Variants in SLC8A3 observed in about 807,000 individuals in gnomAD.
The protein encoded by SLC8A3 is solute carrier family 8 member A3, also known as sodium/calcium exchanger 3.
A neutral mutation model predicts 65.4 loss-of-function variants in SLC8A3; 37 were observed. That is an observed-to-expected ratio of 0.57 (90% CI 0.44 to 0.74). The LOEUF (loss-of-function observed/expected upper bound fraction) is 0.74. Among genes scored for constraint, SLC8A3 ranks in the 30% least tolerant of loss-of-function variants. The probability of loss-of-function intolerance (pLI) is 0.00; values close to 1 mark genes in which losing one functional copy is unlikely to be tolerated. For synonymous variants in SLC8A3, 461 were observed against 444.5 expected (o/e 1.04, Z -0.47); for missense variants, 1,112 against 1,172.1 (o/e 0.95, Z 0.75).
intron 2 of SLC8A3, among the ~76,000 whole-genome samples, chr14:70,165,858 A>T (rs950781218): frequency 2.0e-5 from 3 of 152,070 alleles, no homozygotes; most frequent in Non-Finnish European, 4.4e-5. Flanking sequence ...CAGAAGATAT[A>T]TTTCCTCCCA....
chr14:70,129,519 T>A (rs1011631438), intron 2 of SLC8A3, among the ~76,000 whole-genome samples: 1 of 152,236 alleles, frequency 6.6e-6, no homozygotes, highest in Non-Finnish European at 1.5e-5. Context: ...GCACTTTATA[T>A]TTCATGGCTC....
At chr14:70,117,636 G>A (rs911194886) in intron 2 of SLC8A3, among the ~76,000 whole-genome samples, 3 of 151,958 alleles carry the variant, frequency 2.0e-5, no homozygotes, top group Admixed American at 6.6e-5. Flanking sequence ...TGACATCTGG[G>A]GCATTGCTGT....
chr14:70,090,949 G>C (rs1891762025), intron 2 of SLC8A3, among the ~76,000 whole-genome samples: 1 of 152,178 alleles, frequency 6.6e-6, no homozygotes, highest in African/African-American at 2.4e-5. Flanking sequence ...GGGGTTCAAA[G>C]ATCTTTGAAA....
At chr14:70,093,876 C>T (rs1246029041) in intron 2 of SLC8A3, among the ~76,000 whole-genome samples, 2 of 152,240 alleles carry the variant, frequency 1.3e-5, no homozygotes, top group Non-Finnish European at 1.5e-5. Context: ...CCTCTGGTAC[C>T]TGCCCTAGCT....
intron 2 of SLC8A3, among the ~76,000 whole-genome samples, chr14:70,133,922 CCT>C (rs1264638971): frequency 6.6e-6 from 1 of 152,180 alleles, no homozygotes; most frequent in Non-Finnish European, 1.5e-5. Flanking sequence ...TTCATGTTCT[CCT>C]CTCACCCTAT....
intron 2 of SLC8A3, among the ~76,000 whole-genome samples, chr14:70,094,159 A>T (rs1866345073): frequency 6.6e-6 from 1 of 152,230 alleles, no homozygotes; most frequent in Non-Finnish European, 1.5e-5. Context: ...TCTGACAGCC[A>T]GTCCATGGCC....
chr14:70,046,390 A>T lies in SLC8A3; in HGVS notation c.2390-67T>A, dbSNP rs1355264496. 5.3e-6 allele frequency: 8 copies of T among 1,496,548 alleles called. No homozygotes were observed. Among genetic ancestry groups the T allele is most frequent in the Non-Finnish European group, 7.2e-6 (8 of 1,113,666 alleles). 92.7% of individuals were successfully genotyped at this position (1,496,548 alleles called of 1,614,324 possible). A position where few individuals can be genotyped will look rare whatever the true frequency, so the allele number is the denominator to read the frequency against. Reference sequence around the variant, plus strand: ...AGGTGTGCAGGGCTTGTCTTCCAGTATGCCCAAAAAGCAGCTTGAGCTGGT... The same window carrying T: ...AGGTGTGCAGGGCTTGTCTTCCAGTTTGCCCAAAAAGCAGCTTGAGCTGGT... On this transcript the variant is annotated intron_variant, in intron 6 of 6. Transcript: ENST00000356921. This position sits in a 1 kb window ranked among gnomAD's most constrained non-coding sequence, Gnocchi z 4.2.
intron 2 of SLC8A3, among the ~76,000 whole-genome samples, chr14:70,089,145 C>A (rs1384078068): frequency 6.6e-6 from 1 of 152,156 alleles, no homozygotes; most frequent in Non-Finnish European, 1.5e-5. Flanking sequence ...CTGAAAGAGG[C>A]CTTTTTCTAG....
At chr14:70,048,378 G>A in intron 6 of SLC8A3, 1 of 527,840 alleles carries the variant, frequency 1.9e-6, no homozygotes, top group East Asian at 3.1e-5. Context: ...ACTGTTTGTG[G>A]TCTACTCACA....
In SLC8A3 at chr14:70,058,126, G is replaced by A. The variant is rs145871048; in HGVS notation, c.1888+2710C>T. Among the ~76,000 whole-genome samples the A allele has an allele frequency of 2.2e-4, 33 of 152,162 alleles. No individual in the cohort carries two copies. The East Asian group carries it at 6.0e-3, about 28-fold the overall frequency. On this transcript the variant is annotated intron_variant, in intron 3 of 6. Transcript: ENST00000356921. ...GTCTGTTTTGTTTGCCAAAAATAGA[G>A]TCTCCTATTTCAAATCCAGTCTCTC...
intron 1 of SLC8A3, among the ~76,000 whole-genome samples, chr14:70,172,178 T>C (rs1897590781): frequency 6.6e-6 from 1 of 152,106 alleles, no homozygotes; most frequent in African/African-American, 2.4e-5. Context: ...CCCCAAATCA[T>C]AAAGACATTA....
intron 2 of SLC8A3, among the ~76,000 whole-genome samples, chr14:70,079,757 C>T (rs1466683132): frequency 1.3e-5 from 2 of 152,148 alleles, no homozygotes; most frequent in African/African-American, 4.8e-5. Context: ...ATATTTGGCC[C>T]AGTCTCTTCC....
intron 2 of SLC8A3, among the ~76,000 whole-genome samples, chr14:70,078,483 AT>A (rs1359726893): frequency 6.6e-6 from 1 of 152,128 alleles, no homozygotes; most frequent in Non-Finnish European, 1.5e-5. Flanking sequence ...CATCCCCCAT[AT>A]TTGCTGACTT....
Position 70,176,018 on chromosome 14 carries a change from A to T in SLC8A3, c.-62-7534T>A, listed in dbSNP as rs1048039745. ...CCAAAGGGGAAGCTTTTTTGTTTGT[A>T]AAAATGCATCATCACACTCTGTGAA... On this transcript the variant is annotated intron_variant, in intron 1 of 6. Transcript: ENST00000356921. Among the ~76,000 whole-genome samples, 7 of 152,272 alleles carry T rather than the reference A, an allele frequency of 4.6e-5. No individual in the cohort carries two copies. In the South Asian group the frequency reaches 6.2e-4, roughly 14 times the overall value.
At chr14:70,070,572 G>A (rs955843151) in intron 2 of SLC8A3, among the ~76,000 whole-genome samples, 1 of 152,196 alleles carries the variant, frequency 6.6e-6, no homozygotes, top group African/African-American at 2.4e-5. Context: ...ACTCCAAATG[G>A]TTCTGGGGCT....
At chr14:70,121,291 G>A (rs1028966393) in intron 2 of SLC8A3, among the ~76,000 whole-genome samples, 1 of 152,158 alleles carries the variant, frequency 6.6e-6, no homozygotes, top group East Asian at 1.9e-4. Context: ...ATTTGAAGAA[G>A]CATCTCCACT....
chr14:70,159,166 T>C (rs569577441), intron 2 of SLC8A3, among the ~76,000 whole-genome samples: 2 of 152,156 alleles, frequency 1.3e-5, no homozygotes, highest in Non-Finnish European at 2.9e-5. Flanking sequence ...CCCAGCACTT[T>C]GGGAGGCCAA....
chr14:70,101,816 CT>C, intron 2 of SLC8A3, among the ~76,000 whole-genome samples: 1 of 152,272 alleles, frequency 6.6e-6, no homozygotes, highest in Non-Finnish European at 1.5e-5. Context: ...ATTGTCCAGC[CT>C]TTTCTCTGCA....
chr14:70,120,401 C>G (rs1893975395), intron 2 of SLC8A3, among the ~76,000 whole-genome samples: 1 of 152,148 alleles, frequency 6.6e-6, no homozygotes, highest in Non-Finnish European at 1.5e-5. Flanking sequence ...TTTGCCCATC[C>G]TACTTACACT....
Sources: gnomAD v4.1 joint callset for allele counts (sites outside exome capture counted in the v4.1 genomes callset) on GRCh38, gnomAD v4.1.1 for gene constraint, Gnocchi (gnomAD v3.1) non-coding constraint, MANE v1.5 for transcripts, NCBI Gene and HGNC (gene_info 2026-07-23, HGNC 2026-07-21) for gene names.